FAF1: variants seen among roughly 807,000 people sequenced by gnomAD.
FAF1 encodes FAS-associated factor 1.
A neutral mutation model predicts 92.5 loss-of-function variants in FAF1; 25 were observed. The observed-to-expected ratio is 0.27, with a 90% confidence interval of 0.20 to 0.38. The LOEUF (loss-of-function observed/expected upper bound fraction) is 0.38. FAF1 is among the 10% of genes least tolerant of loss of function. The pLI, the probability that FAF1 is intolerant of heterozygous loss-of-function variation, is 1.00. For missense variants in FAF1, 636 were observed against 793.3 expected (o/e 0.80, Z 2.38); for synonymous variants, 234 against 273.2 (o/e 0.86, Z 1.42).
intron 3 of FAF1, among the ~76,000 whole-genome samples, chr1:50,788,531 C>T (rs1661444962): frequency 6.6e-6 from 1 of 152,064 alleles, no homozygotes; most frequent in Non-Finnish European, 1.5e-5. Context: ...GTGTCTTCTT[C>T]ACTCACTCTC....
At chr1:50,546,444 C>T (rs763279485) in intron 13 of FAF1, among the ~76,000 whole-genome samples, 7 of 152,168 alleles carry the variant, frequency 4.6e-5, no homozygotes, top group Non-Finnish European at 7.3e-5. Flanking sequence ...CAGCTCACTG[C>T]AACCTTTGCC....
At chr1:50,480,080 G>A (rs1231465450) in intron 17 of FAF1, among the ~76,000 whole-genome samples, 1 of 152,246 alleles carries the variant, frequency 6.6e-6, no homozygotes, top group East Asian at 1.9e-4. Flanking sequence ...TAGTTTATTT[G>A]CATTATTTTT....
chr1:50,675,589 T>G (rs777258771), intron 7 of FAF1, among the ~76,000 whole-genome samples: 2 of 152,222 alleles, frequency 1.3e-5, no homozygotes, highest in Non-Finnish European at 2.9e-5. Flanking sequence ...CTGTTTCATT[T>G]TATTTTAAAT....
At chr1:50,842,476 T>G (rs959317892) in intron 2 of FAF1, among the ~76,000 whole-genome samples, 2 of 152,150 alleles carry the variant, frequency 1.3e-5, no homozygotes, top group Admixed American at 1.3e-4. Flanking sequence ...ATTTTTGGAT[T>G]ATGAATTATC....
intron 15 of FAF1, among the ~76,000 whole-genome samples, chr1:50,526,675 T>C (rs1204868078): frequency 6.6e-6 from 1 of 151,926 alleles, no homozygotes; most frequent in Non-Finnish European, 1.5e-5. Context: ...GACACAGGTT[T>C]TCATTTCTCT....
rs1192420305 is a variant in FAF1 at position 50,583,300 on chromosome 1, A to G, written c.1031+352T>C. Among the ~76,000 whole-genome samples the G allele has an allele frequency of 6.6e-6, 1 of 151,904 alleles. No homozygotes were observed. Among genetic ancestry groups the G allele is most frequent in the Non-Finnish European group, 1.5e-5 (1 of 67,862 alleles). On this transcript the variant is annotated intron_variant, in intron 11 of 18. Coordinates refer to ENST00000396153, the MANE Select transcript of FAF1 (RefSeq NM_007051.3). The surrounding 1 kb of genome is among the most constrained non-coding windows in gnomAD (Gnocchi z 4.2). Reference sequence around the variant, plus strand: ...CACTTGGATTTAAAATGTTTAAAGTATTTTTAAATTTAATATTATTTTAAA... The same window carrying G: ...CACTTGGATTTAAAATGTTTAAAGTGTTTTTAAATTTAATATTATTTTAAA...
At chr1:50,847,825 C>A (rs1312320626) in intron 2 of FAF1, among the ~76,000 whole-genome samples, 1 of 151,816 alleles carries the variant, frequency 6.6e-6, no homozygotes, top group African/African-American at 2.4e-5. Context: ...ATCACAGATC[C>A]AAGAGCACCA....
intron 6 of FAF1, among the ~76,000 whole-genome samples, chr1:50,728,439 T>G (rs774299720): frequency 5.1e-4 from 78 of 152,260 alleles, no homozygotes; most frequent in Non-Finnish European, 8.1e-4. Context: ...TAAGATTATG[T>G]AAGTCTTTTA....
chr1:50,441,396 T>C lies in FAF1; in HGVS notation c.*44A>G. The C allele has an allele frequency of 7.8e-7, 1 of 1,285,780 alleles. No homozygotes were observed. Among genetic ancestry groups the C allele is most frequent in the Non-Finnish European group, 1.1e-6 (1 of 934,814 alleles). 79.6% of individuals were successfully genotyped at this position (1,285,780 alleles called of 1,614,324 possible). ...GAGGAGCCCTTCTCCTGACGCAGGC[T>C]GCTGGCTTGTCAAGGAATGGCTGGT... On this transcript the variant is annotated 3_prime_UTR_variant, in exon 19 of 19. Coordinates refer to ENST00000396153, the MANE Select transcript of FAF1 (RefSeq NM_007051.3).
At chr1:50,504,939 T>G (rs905124649) in intron 15 of FAF1, among the ~76,000 whole-genome samples, 1 of 152,184 alleles carries the variant, frequency 6.6e-6, no homozygotes, top group African/African-American at 2.4e-5. Flanking sequence ...ATCAGAAATA[T>G]GAACTTTAAT....
intron 9 of FAF1, among the ~76,000 whole-genome samples, chr1:50,586,097 G>A (rs1326516501): frequency 6.6e-6 from 1 of 151,980 alleles, no homozygotes; most frequent in Non-Finnish European, 1.5e-5. Flanking sequence ...GAATGTCAGA[G>A]GTTAGACAGT....
intron 1 of FAF1, among the ~76,000 whole-genome samples, chr1:50,919,834 G>A (rs566745234): frequency 2.6e-5 from 4 of 152,244 alleles, no homozygotes; most frequent in South Asian, 4.1e-4. Flanking sequence ...GAGGAACTGT[G>A]ATAAGTAAAC....
intron 1 of FAF1, among the ~76,000 whole-genome samples, chr1:50,931,494 T>C (rs751464984): frequency 3.3e-5 from 5 of 151,976 alleles, no homozygotes; most frequent in Non-Finnish European, 7.4e-5. Context: ...ATGGTGGCAG[T>C]GAGAGAAAAA....
intron 4 of FAF1, among the ~76,000 whole-genome samples, chr1:50,781,912 C>T (rs1661192675): frequency 6.6e-6 from 1 of 152,172 alleles, no homozygotes; most frequent in South Asian, 2.1e-4. Context: ...ACAATGACCA[C>T]ATATATTATA....
At chr1:50,690,354 C>G (rs1024392080) in intron 7 of FAF1, among the ~76,000 whole-genome samples, 2 of 152,054 alleles carry the variant, frequency 1.3e-5, no homozygotes, top group African/African-American at 2.4e-5. Flanking sequence ...ACCTGTAATT[C>G]CAGTACTTTG....
chr1:50,909,780 T>C (rs899954300), intron 1 of FAF1, among the ~76,000 whole-genome samples: 62 of 152,320 alleles, frequency 4.1e-4, no homozygotes, highest in Non-Finnish European at 8.1e-4. Flanking sequence ...ATTCGTCTAA[T>C]CTTTTTTCAA....
chr1:50,690,954 T>C (rs1361744270), intron 7 of FAF1, among the ~76,000 whole-genome samples: 1 of 152,246 alleles, frequency 6.6e-6, no homozygotes, highest in African/African-American at 2.4e-5. Context: ...ATTGTATGGA[T>C]ATACCACATT....
chr1:50,663,565 G>C (rs1655488487), intron 7 of FAF1, among the ~76,000 whole-genome samples: 1 of 151,112 alleles, frequency 6.6e-6, no homozygotes, highest in South Asian at 2.1e-4. Flanking sequence ...ACCACACCCG[G>C]CTAATTTTTG....
At chr1:50,556,497 C>A (rs369842520) in intron 13 of FAF1, among the ~76,000 whole-genome samples, 5 of 152,060 alleles carry the variant, frequency 3.3e-5, no homozygotes, top group East Asian at 1.9e-4. Flanking sequence ...TACAGTTCAT[C>A]CATGTAACTA....
Sources: gnomAD v4.1 joint callset for allele counts (sites outside exome capture counted in the v4.1 genomes callset) on GRCh38, gnomAD v4.1.1 for gene constraint, Gnocchi (gnomAD v3.1) non-coding constraint, MANE v1.5 for transcripts, NCBI Gene and HGNC (gene_info 2026-07-23, HGNC 2026-07-21) for gene names.